Variants in EEF1D observed in about 807,000 individuals in gnomAD.
EEF1D encodes eukaryotic translation elongation factor 1 delta, also known as elongation factor 1-delta.
A neutral mutation model predicts 63.9 loss-of-function variants in EEF1D; 47 were observed. The ratio of observed to expected loss-of-function variants is 0.74; its 90% confidence interval spans 0.58 to 0.94. The LOEUF (loss-of-function observed/expected upper bound fraction) is 0.94, where lower values mean the gene tolerates loss of function less well. EEF1D is among the 40% of genes least tolerant of loss of function. The pLI, the probability that EEF1D is intolerant of heterozygous loss-of-function variation, is 0.00. For synonymous variants in EEF1D, 412 were observed against 386.1 expected (o/e 1.07, Z -0.79); for missense variants, 907 against 899.0 (o/e 1.01, Z -0.11).
rs1198661321 is a variant in EEF1D at position 143,589,760 on chromosome 8, C to G, written c.322G>C (p.Ala108Pro). Residue 108 changes from alanine to proline, a missense_variant, in exon 3 of 10, where the codon GCC becomes CCC. Physicochemically the swap from Ala to Pro is conservative, Grantham distance 27. Coordinates refer to ENST00000618139, the MANE Select transcript of EEF1D (RefSeq NM_001130053.5). ...GACTTGTCCAGCCACACGCGTTCGG[C>G]CGAGAGGCCCAGGAGGGCCAGGTCC... is the stretch of plus-strand genomic sequence containing the variant. ...PADLALLGLS[A>P]ERVWLDKSLF... The G allele has an allele frequency of 6.5e-7, 1 of 1,539,262 alleles. No individual in the cohort carries two copies. The highest frequency in any genetic ancestry group is 8.7e-7 in the Non-Finnish European group (1 of 1,144,596).
intron 7 of EEF1D, 42 bp downstream of exon 7, chr8:143,581,012 C>CA: frequency 2.5e-6 from 4 of 1,589,416 alleles, no homozygotes; most frequent in Non-Finnish European, 3.4e-6. Context: ...CCAGCAGGGC[C>CA]ACGTGGTCCC....
chr8:143,592,236 G>A (rs1828092348), intron 2 of EEF1D: 4 of 985,416 alleles, frequency 4.1e-6, no homozygotes, highest in Admixed American at 6.1e-5. Context: ...CCCATCAGCA[G>A]TGCCACTGAG....
At chr8:143,594,924 G>T (rs904929780) in intron 1 of EEF1D, among the ~76,000 whole-genome samples, 79 of 152,308 alleles carry the variant, frequency 5.2e-4, no homozygotes, top group Middle Eastern at 3.4e-3. Flanking sequence ...GTCTTTTTTT[G>T]AGACGGAGTC....
chr8:143,580,738 G>C lies in EEF1D; in HGVS notation c.1489-11C>G. ...CATGGGAGATACGTGCTGCCACAGGGGAAGGGACAGGAGGCACGGCTGAGA... is the reference window on the plus strand; with the variant it reads ...CATGGGAGATACGTGCTGCCACAGGCGAAGGGACAGGAGGCACGGCTGAGA... On this transcript the variant is annotated splice_polypyrimidine_tract_variant and intron_variant, in intron 7 of 9. Coordinates refer to ENST00000618139, the MANE Select transcript of EEF1D (RefSeq NM_001130053.5). The C allele has an allele frequency of 6.2e-7, 1 of 1,611,782 alleles. No homozygotes were observed. Among genetic ancestry groups the C allele is most frequent in the South Asian group, 1.1e-5 (1 of 91,084 alleles).
chr8:143,579,827 G>A lies in EEF1D; in HGVS notation c.1909C>T (p.Gln637Ter), dbSNP rs1482447236. The change falls in exon 10 of 10, where the codon CAG becomes TAG. Residue 637 changes from glutamine to a stop codon, truncating the protein, a stop_gained. Transcript: ENST00000618139. LOFTEE classifies it high-confidence loss of function. The part of the protein sequence containing the change: ...EEITKFEEHV[Q>*]SVDIAAFNKI ...TTGAAAGCTGCGATATCGACACTCT[G>A]CACCTGAGGAGAGGCGGAGGGTGAC... The A allele has an allele frequency of 6.4e-7, 1 of 1,565,816 alleles. No individual in the cohort carries two copies. Among genetic ancestry groups the A allele is most frequent in the Admixed American group, 1.9e-5 (1 of 53,734 alleles).
At chr8:143,587,515 G>A (rs1826928282) in intron 3 of EEF1D, 1 of 152,250 alleles carries the variant, frequency 6.6e-6, no homozygotes, top group African/African-American at 2.4e-5. Flanking sequence ...ATTTTTAGTA[G>A]ACAAGGTTTC....
chr8:143,590,343 C>G, intron 2 of EEF1D: 1 of 634,790 alleles, frequency 1.6e-6, no homozygotes, highest in Non-Finnish European at 2.7e-6. Context: ...CTCTGGGAGG[C>G]CAAGTGCCTC....
chr8:143,581,107 T>G lies in EEF1D; in HGVS notation c.1435A>C (p.Asn479His), dbSNP rs529387371. Residue 479 changes from asparagine (N) to histidine (H), a missense_variant, in exon 7 of 10, where the codon AAC becomes CAC. Coordinates refer to ENST00000618139, the MANE Select transcript of EEF1D (RefSeq NM_001130053.5). ...QAISKLEARL[N>H]VLEKSSPGHR... ...CCAGGCGAGCTCTTCTCCAGCACGT[T>G]CAGCCGGGCCTCCAGCTTGGAGATG... The G allele has an allele frequency of 1.4e-5, 22 of 1,612,838 alleles. No homozygotes were observed. The South Asian group carries it at 2.2e-4, about 16-fold the overall frequency.
chr8:143,589,061 G>A lies in EEF1D; in HGVS notation c.1021C>T (p.Leu341Phe), dbSNP rs769878640. 1.9e-6 allele frequency: 3 copies of A among 1,608,114 alleles called. No individual in the cohort carries two copies. The highest frequency in any genetic ancestry group is 1.3e-5 in the African/African-American group (1 of 75,038). ...CGGTGAGACAGGGAGGCAGCTTCGA[G>A]GCACCAGGCCACCCGCAGGGCCTCG... ...AAEALRVAWC[L>F]EAASLSHRPG... The change falls in exon 3 of 10, where the codon CTC becomes TTC. Residue 341 changes from leucine (L) to phenylalanine (F), a missense_variant. Physicochemically the swap from Leu to Phe is conservative, Grantham distance 22 (BLOSUM62 0). Transcript: ENST00000618139.
intron 2 of EEF1D, chr8:143,590,916 G>A (rs1827839599): frequency 6.6e-6 from 1 of 152,262 alleles, no homozygotes; most frequent in Non-Finnish European, 1.5e-5. Flanking sequence ...AAAAAAAGAG[G>A]GAGCTTCTTT....
rs371315183 is a variant in EEF1D, at chr8:143,589,967, C to A, written c.115G>T (p.Ala39Ser). The change falls in exon 3 of 10, where the codon GCC (alanine) becomes TCC (serine). Residue 39 changes from alanine to serine, a missense_variant. Physicochemically the swap from Ala to Ser is moderately conservative, Grantham distance 99. Transcript: ENST00000618139. The stretch of plus-strand genomic sequence containing the variant: ...GGCCCCTCGGCTGGCAGCTGCTGGG[C>A]GGAGGCGGCCGCCTGTGTGGCCTCG... ...EHEATQAAAS[A>S]QQLPAEGPAM... The A allele has an allele frequency of 1.3e-6, 2 of 1,598,592 alleles. No homozygotes were observed. The highest frequency in any genetic ancestry group is 1.3e-5 in the African/African-American group (1 of 74,904).
At chr8:143,596,605 C>T (rs1828870860) in intron 1 of EEF1D, 1 of 152,290 alleles carries the variant, frequency 6.6e-6, no homozygotes, top group Non-Finnish European at 1.5e-5. Flanking sequence ...AGAAGCACCC[C>T]GCCCTGTCGG....
Position 143,589,899 on chromosome 8 carries a change from A to T in EEF1D, c.183T>A (p.Asp61Glu). The stretch of plus-strand genomic sequence containing the variant: ...TGCCGCCGTCAGGGGCTTCCGCCTC[A>T]TCAGCGTCCTCAGGGTCGTCCTGGC... ...GPGQDDPEDA[D>E]EAEAPDGGSR... is the part of the protein sequence containing the mutation. The change falls in exon 3 of 10, where the codon GAT (aspartate) becomes GAA (glutamate). Residue 61 changes from aspartate (D) to glutamate (E), a missense_variant. Physicochemically the swap from Asp to Glu is conservative, Grantham distance 45 (BLOSUM62 2). Coordinates refer to ENST00000618139, the MANE Select transcript of EEF1D (RefSeq NM_001130053.5). 1 of 1,598,370 alleles carries T rather than the reference A, an allele frequency of 6.3e-7. No homozygotes were observed. Among genetic ancestry groups the T allele is most frequent in the Non-Finnish European group, 8.5e-7 (1 of 1,175,660 alleles).
chr8:143,585,668 C>T (rs35463634), intron 5 of EEF1D, among the ~76,000 whole-genome samples: 2,474 of 152,344 alleles, frequency 0.016, 70 homozygotes, highest in African/African-American at 0.057. Context: ...CCCAGCCAGC[C>T]TGTCAGGCCA....
At chr8:143,594,042 T>C (rs2131288195) in intron 1 of EEF1D, 2 of 406,204 alleles carry the variant, frequency 4.9e-6, no homozygotes, top group Non-Finnish European at 6.7e-6. Context: ...CCTTCGCTCC[T>C]GCAGTTTATC....
chr8:143,588,725 C>A (rs1455012993), intron 3 of EEF1D: 2 of 508,190 alleles, frequency 3.9e-6, no homozygotes, highest in Non-Finnish European at 3.4e-6. Flanking sequence ...CTGGGCAAGG[C>A]AGAGATTCTG....
At chr8:143,580,820 G>C (rs1825351532) in intron 7 of EEF1D, 93 bp from the exon 8 acceptor site, 4 of 1,443,766 alleles carry the variant, frequency 2.8e-6, no homozygotes, top group Non-Finnish European at 3.8e-6. Flanking sequence ...TCCCTCCTTT[G>C]ACTGGAGGAA....
chr8:143,585,379 G>A (rs1826374985), intron 5 of EEF1D, among the ~76,000 whole-genome samples: 1 of 152,158 alleles, frequency 6.6e-6, no homozygotes, highest in Admixed American at 6.5e-5. Context: ...ACCAGAATCT[G>A]GGAGAGGCAA....
Position 143,585,369 on chromosome 8 carries a change from A to G in EEF1D, c.1287+850T>C, listed in dbSNP as rs992053393. Among the ~76,000 whole-genome samples, 7 of 152,158 alleles carry G rather than the reference A, an allele frequency of 4.6e-5. No homozygotes were observed. The East Asian group carries it at 1.2e-3, about 25-fold the overall frequency. On this transcript the variant is annotated intron_variant, in intron 5 of 9. Transcript: ENST00000618139. ...CTTGAAACAAGCAACGTGGGCATCCACCAGAATCTGGGAGAGGCAAAGGAA... is the reference window on the plus strand; with the variant it reads ...CTTGAAACAAGCAACGTGGGCATCCGCCAGAATCTGGGAGAGGCAAAGGAA...
Sources: gnomAD v4.1 joint callset for allele counts (sites outside exome capture counted in the v4.1 genomes callset) on GRCh38, gnomAD v4.1.1 for gene constraint, MANE v1.5 for transcripts, NCBI Gene and HGNC (gene_info 2026-07-23, HGNC 2026-07-21) for gene names.